The following CNBD1 variants were observed in gnomAD, a reference collection of about 807,000 sequenced individuals.
The protein encoded by CNBD1 is cyclic nucleotide-binding domain-containing protein 1.
A neutral mutation model predicts 54.4 loss-of-function variants in CNBD1; 71 were observed. The ratio of observed to expected loss-of-function variants is 1.30; its 90% CI spans 1.08 to 1.59. The LOEUF is 1.59. CNBD1 is among the 40% of genes most tolerant of loss of function. The pLI is 0.00. For missense variants in CNBD1, 659 were observed against 518.0 expected (o/e 1.27, Z -2.64); for synonymous variants, 182 against 170.7 (o/e 1.07, Z -0.51).
At chr8:87,330,208 C>G (rs1236319035) in intron 8 of CNBD1, among the ~76,000 whole-genome samples, 6 of 140,600 alleles carry the variant, frequency 4.3e-5, no homozygotes, top group African/African-American at 1.3e-4. Flanking sequence ...ATTTCCCATA[C>G]TGGTAATTTG....
chr8:87,362,040 G>C (rs1810534013), intron 10 of CNBD1, among the ~76,000 whole-genome samples: 1 of 151,984 alleles, frequency 6.6e-6, no homozygotes, highest in Non-Finnish European at 1.5e-5. Flanking sequence ...CATGTCCTGA[G>C]ATTGAGTCCA....
chr8:87,391,206 C>A (rs964720555), intron 2 of CNBD1, among the ~76,000 whole-genome samples: 7 of 151,902 alleles, frequency 4.6e-5, no homozygotes, highest in Admixed American at 4.6e-4. Context: ...CAAACCTGCA[C>A]GTTGTGCACA....
At chr8:86,913,533 T>C (rs1809135974) in intron 3 of CNBD1, among the ~76,000 whole-genome samples, 1 of 151,952 alleles carries the variant, frequency 6.6e-6, no homozygotes, top group Non-Finnish European at 1.5e-5. Context: ...GGGGGAGACA[T>C]CACATGTCGG....
intron 6 of CNBD1, among the ~76,000 whole-genome samples, chr8:87,258,767 C>A (rs956404894): frequency 2.6e-5 from 4 of 152,086 alleles, no homozygotes; most frequent in African/African-American, 7.2e-5. Flanking sequence ...CCTTTTATAA[C>A]CCTTTACAAA....
chr8:87,192,128 T>G (rs2915520), intron 4 of CNBD1, among the ~76,000 whole-genome samples: 75,352 of 151,880 alleles, frequency 0.5, 19,164 homozygotes, highest in Admixed American at 0.56. Context: ...ATTTTTAAGT[T>G]CAATTTAAAA....
At chr8:87,351,103 C>A (rs1810281339) in intron 8 of CNBD1, among the ~76,000 whole-genome samples, 1 of 152,050 alleles carries the variant, frequency 6.6e-6, no homozygotes, top group South Asian at 2.1e-4. Context: ...TTAATTTTTC[C>A]ATTTTAAAGA....
At chr8:87,002,720 A>C (rs561725118) in intron 4 of CNBD1, among the ~76,000 whole-genome samples, 39 of 151,862 alleles carry the variant, frequency 2.6e-4, no homozygotes, top group African/African-American at 8.7e-4. Flanking sequence ...TGCCTTCTTC[A>C]TCCCTCTTAC....
chr8:87,036,601 A>C, intron 4 of CNBD1, among the ~76,000 whole-genome samples: 1 of 150,254 alleles, frequency 6.7e-6, no homozygotes, highest in Admixed American at 6.6e-5. Flanking sequence ...CTCTAAAAAA[A>C]AAAAAAAAAA....
At chr8:87,410,134 C>A (rs1316453643) in intron 2 of CNBD1, among the ~76,000 whole-genome samples, 2 of 152,044 alleles carry the variant, frequency 1.3e-5, no homozygotes, top group African/African-American at 4.8e-5. Flanking sequence ...ATATTTTAAG[C>A]CCAGAATTGA....
rs1347656680 is a variant in CNBD1 at position 87,071,047 on chromosome 8, G to T, written c.431+131293G>T. ...CTTTGGAAGAGAAATTTCGACTGAT[G>T]ATTAAAAAAACAGTTTTTTAAAAAA... is the stretch of plus-strand genomic sequence containing the variant. On this transcript the variant is annotated intron_variant, in intron 4 of 10. Transcript: ENST00000518476. Among the ~76,000 whole-genome samples the T allele has an allele frequency of 2.6e-5, 4 of 151,902 alleles. No individual in the cohort carries two copies. In the East Asian group the frequency reaches 7.7e-4, roughly 29 times the overall value.
intron 4 of CNBD1, among the ~76,000 whole-genome samples, chr8:87,112,661 G>A (rs1811687513): frequency 6.6e-6 from 1 of 152,032 alleles, no homozygotes; most frequent in Non-Finnish European, 1.5e-5. Flanking sequence ...CACATACACT[G>A]GTGCATCTGT....
rs537871838 is a variant in CNBD1 at position 87,162,536 on chromosome 8, A to G, written c.432-43457A>G. ...CCCTGTTGATCATAAATTGATAAAAACATAGAGGTTTTGGATTTAATAAGA... is the reference window on the plus strand; with the variant it reads ...CCCTGTTGATCATAAATTGATAAAAGCATAGAGGTTTTGGATTTAATAAGA... On this transcript the variant is annotated intron_variant, in intron 4 of 10. Coordinates refer to ENST00000518476, the MANE Select transcript of CNBD1 (RefSeq NM_173538.3). Among the ~76,000 whole-genome samples the G allele has an allele frequency of 9.9e-5, 15 of 152,242 alleles. No homozygotes were observed. In the South Asian group the frequency reaches 3.1e-3, roughly 32 times the overall value.
intron 6 of CNBD1, among the ~76,000 whole-genome samples, chr8:87,264,004 T>A (rs1374813272): frequency 6.6e-6 from 1 of 152,126 alleles, no homozygotes; most frequent in Non-Finnish European, 1.5e-5. Flanking sequence ...TTTATTTTAT[T>A]TTTTTATTAT....
At chr8:87,290,968 T>G (rs1808773699) in intron 8 of CNBD1, among the ~76,000 whole-genome samples, 1 of 152,158 alleles carries the variant, frequency 6.6e-6, no homozygotes, top group Admixed American at 6.6e-5. Context: ...TACTAGAATT[T>G]TCTGTCACAT....
At chr8:87,148,586 G>A (rs56290742) in intron 4 of CNBD1, among the ~76,000 whole-genome samples, 1 of 152,110 alleles carries the variant, frequency 6.6e-6, no homozygotes, top group East Asian at 1.9e-4. Flanking sequence ...AACAGGCATA[G>A]ACTAACGTGC....
intron 2 of CNBD1, among the ~76,000 whole-genome samples, chr8:87,403,263 G>T (rs532413182): frequency 4.3e-4 from 66 of 152,144 alleles, no homozygotes; most frequent in African/African-American, 1.5e-3. Context: ...TGTACATCTT[G>T]TTTGCATCAG....
At chr8:87,105,773 T>C (rs1050037458) in intron 4 of CNBD1, among the ~76,000 whole-genome samples, 1 of 152,174 alleles carries the variant, frequency 6.6e-6, no homozygotes, top group Non-Finnish European at 1.5e-5. Flanking sequence ...CTTATTTTAG[T>C]TGTCAGTTCT....
At chr8:87,360,510 G>C (rs547272984) in intron 10 of CNBD1, among the ~76,000 whole-genome samples, 1 of 151,780 alleles carries the variant, frequency 6.6e-6, no homozygotes, top group Non-Finnish European at 1.5e-5. Flanking sequence ...TTTTTATAAA[G>C]TCAATATATC....
At chr8:87,336,503 G>A (rs557714788) in intron 8 of CNBD1, among the ~76,000 whole-genome samples, 59 of 152,072 alleles carry the variant, frequency 3.9e-4, no homozygotes, top group Admixed American at 1.0e-3. Context: ...TGATCCTTGT[G>A]TATGCTTCAT....
Sources: gnomAD v4.1 joint callset for allele counts (sites outside exome capture counted in the v4.1 genomes callset) on GRCh38, gnomAD v4.1.1 for gene constraint, MANE v1.5 for transcripts, NCBI Gene and HGNC (gene_info 2026-07-23, HGNC 2026-07-21) for gene names.